TACC2: variants seen among roughly 807,000 people sequenced by gnomAD.
TACC2 encodes the protein transforming acidic coiled-coil-containing protein 2.
TACC2 carries 137 observed loss-of-function variants against 227.3 expected under a neutral mutation model. The observed-to-expected ratio is 0.60, with a 90% CI of 0.52 to 0.69. TACC2 has a LOEUF of 0.69. Among genes scored for constraint, TACC2 ranks in the 30% least tolerant of loss-of-function variants. The probability of loss-of-function intolerance (pLI) is 0.00; values close to 1 mark genes in which losing one functional copy is unlikely to be tolerated. For missense variants in TACC2, 3,470 were observed against 3,694.4 expected (o/e 0.94, Z 1.57); for synonymous variants, 1,523 against 1,487.5 (o/e 1.02, Z -0.55).
rs56383359 is a variant in TACC2, at chr10:122,250,911, C to CTTT, written c.8781+1271_8781+1273dup. ...CATATTACAGATCATTATTTTCATT[C>CTTT]TTTTTTTTTTTTTTTTTTTTTTTTT... is the stretch of plus-strand genomic sequence containing the variant. On this transcript the variant is annotated intron_variant, in intron 22 of 22. Coordinates refer to ENST00000369005, the MANE Select transcript of TACC2 (RefSeq NM_206862.4). Among the ~76,000 whole-genome samples the CTTT allele has an allele frequency of 1.1e-4, 5 of 47,504 alleles. 1 individual carries two copies. Among genetic ancestry groups the CTTT allele is most frequent in the African/African-American group, 3.9e-4 (5 of 12,748 alleles). The allele number at this position is 47,504 out of a possible 152,430, so 31.2% of individuals were successfully genotyped here.
intron 7 of TACC2, among the ~76,000 whole-genome samples, chr10:122,185,836 A>G (rs929219358): frequency 1.3e-5 from 2 of 152,248 alleles, no homozygotes; most frequent in Non-Finnish European, 2.9e-5. Flanking sequence ...AGAAAATACA[A>G]GGACTTTAAT....
At chr10:122,238,087 G>C (rs754785553) in intron 18 of TACC2, 50 bp downstream of exon 18, 22 of 1,477,910 alleles carry the variant, frequency 1.5e-5, no homozygotes, top group South Asian at 3.4e-5. Context: ...ACTTACCTGT[G>C]GTTTAATAAT....
chr10:122,139,410 G>A (rs1165603079), intron 6 of TACC2, among the ~76,000 whole-genome samples: 2 of 152,286 alleles, frequency 1.3e-5, no homozygotes, highest in South Asian at 2.1e-4. Context: ...TGCCTGCCTC[G>A]GAGCTTCCAG....
chr10:122,221,193 C>A (rs963372764), intron 11 of TACC2, among the ~76,000 whole-genome samples: 1 of 152,240 alleles, frequency 6.6e-6, no homozygotes, highest in Non-Finnish European at 1.5e-5. Flanking sequence ...TCATCTTCCA[C>A]GGATGAAGAA....
Position 122,248,711 on chromosome 10 carries a change from G to A in TACC2, c.8461G>A (p.Ala2821Thr). The change falls in exon 20 of 23, where the codon GCC becomes ACC. Residue 2821 changes from alanine (A) to threonine (T), a missense_variant. Transcript: ENST00000369005. ...VQQLVLEKEQ[A>T]LADLNSVEKS... is the part of the protein sequence containing the mutation. ...GCAGCTGGTTCTGGAGAAGGAGCAA[G>A]CCCTGGCCGACCTGAACTCCGTGGA... is the stretch of plus-strand genomic sequence containing the variant. 6.2e-7 allele frequency: 1 copy of A among 1,614,124 alleles called. No individual in the cohort carries two copies. The highest frequency in any genetic ancestry group is 8.5e-7 in the Non-Finnish European group (1 of 1,180,038).
intron 2 of TACC2, among the ~76,000 whole-genome samples, chr10:122,031,019 A>G (rs1306398187): frequency 2.0e-5 from 3 of 152,046 alleles, no homozygotes; most frequent in African/African-American, 7.2e-5. Context: ...GACTCCACCT[A>G]CTTCCACCCC....
At position 122,087,393 on chromosome 10, in the gene TACC2, G is replaced by A. The variant is rs749535629; in HGVS notation, c.4893G>A (p.Thr1631=). 27 of 1,613,930 alleles carry A rather than the reference G, an allele frequency of 1.7e-5. No individual in the cohort carries two copies. Among genetic ancestry groups the A allele is most frequent in the Non-Finnish European group, 1.9e-5 (22 of 1,180,046 alleles). The change falls in exon 4 of 23, where the codon ACG becomes ACA. Residue 1631 remains threonine (T), a synonymous_variant. Coordinates refer to ENST00000369005, the MANE Select transcript of TACC2 (RefSeq NM_206862.4). ...TGVPGHVPRS[T]CAPSPQREVL... ...TTCCAGGACATGTGCCAAGGTCCAC[G>A]TGTGCCCCTTCTCCTCAGAGGGAGG...
At chr10:122,216,879 G>A (rs368244421) in intron 11 of TACC2, 51 bp downstream of exon 11, 1 of 1,613,836 alleles carries the variant, frequency 6.2e-7, no homozygotes, top group East Asian at 2.2e-5. Flanking sequence ...GGAGAATCCT[G>A]CCCCTAGGGA....
intron 1 of TACC2, among the ~76,000 whole-genome samples, chr10:121,993,269 G>A (rs563446754): frequency 6.6e-6 from 1 of 152,118 alleles, no homozygotes; most frequent in Non-Finnish European, 1.5e-5. Flanking sequence ...TTAAATGTGT[G>A]AAAAAAAGGA....
chr10:122,072,651 T>C (rs1406179394), intron 3 of TACC2, among the ~76,000 whole-genome samples: 1 of 152,212 alleles, frequency 6.6e-6, no homozygotes, highest in Non-Finnish European at 1.5e-5. Context: ...TTTTCCAAAG[T>C]CTCTGGAATA....
intron 5 of TACC2, among the ~76,000 whole-genome samples, chr10:122,103,428 G>T (rs372225195): frequency 1.9e-4 from 29 of 152,352 alleles, no homozygotes; most frequent in African/African-American, 5.8e-4. Flanking sequence ...AATTAAGGCA[G>T]AGAAGAGATG....
rs193086366 is a variant in TACC2 at position 122,231,469 on chromosome 10, G to A, written c.8127+1029G>A. On this transcript the variant is annotated intron_variant, in intron 16 of 22. Coordinates refer to ENST00000369005, the MANE Select transcript of TACC2 (RefSeq NM_206862.4). ...TGAGGATGACAGATGTCTGGTGTGC[G>A]GAGAGTGGCACCATGCTTGACACAT... Among the ~76,000 whole-genome samples the A allele has an allele frequency of 1.6e-3, 240 of 152,336 alleles. 1 individual carries two copies. Among genetic ancestry groups the A allele is most frequent in the Middle Eastern group, 0.01 (3 of 294 alleles).
chr10:122,082,952 C>A lies in TACC2; in HGVS notation c.452C>A (p.Ala151Glu), dbSNP rs78149003. 1.1e-5 allele frequency: 17 copies of A among 1,612,926 alleles called. 1 individual carries two copies. The East Asian group carries it at 3.3e-4, about 32-fold the overall frequency. Residue 151 changes from alanine to glutamate, a missense_variant, in exon 4 of 23, where the codon GCG becomes GAG. Physicochemically the swap from Ala to Glu is moderately radical, Grantham distance 107 (BLOSUM62 -1). Coordinates refer to ENST00000369005, the MANE Select transcript of TACC2 (RefSeq NM_206862.4). ...EPAPNAPGDIAAAFPAERDSS... is the reference protein window; with the variant it reads ...EPAPNAPGDIEAAFPAERDSS... ...GCCCCAAATGCCCCAGGAGACATCG[C>A]GGCGGCATTTCCCGCTGAGAGGGAC...
intron 5 of TACC2, among the ~76,000 whole-genome samples, chr10:122,105,914 C>T (rs1168518691): frequency 1.3e-5 from 2 of 150,490 alleles, no homozygotes; most frequent in African/African-American, 4.9e-5. Flanking sequence ...TGAGCCACTG[C>T]GCCTGGCCTG....
Position 122,150,927 on chromosome 10 carries a change from A to G in TACC2, c.5834+7221A>G, listed in dbSNP as rs777261626. ...AGGTGGCGCAGGGGAAGGAGCATGA[A>G]GTTGGAAAGACAGGCCTATTTACCA... is the stretch of plus-strand genomic sequence containing the variant. On this transcript the variant is annotated intron_variant, in intron 7 of 22. Coordinates refer to ENST00000369005, the MANE Select transcript of TACC2 (RefSeq NM_206862.4). The surrounding 1 kb of genome is among the most constrained non-coding windows in gnomAD (Gnocchi z 4.0). 1.3e-5 allele frequency among the ~76,000 whole-genome samples: 2 copies of G among 152,194 alleles called. No individual in the cohort carries two copies. Among genetic ancestry groups the G allele is most frequent in the Non-Finnish European group, 2.9e-5 (2 of 68,032 alleles).
intron 8 of TACC2, among the ~76,000 whole-genome samples, chr10:122,202,677 T>A (rs2094909318): frequency 6.9e-6 from 1 of 143,914 alleles, no homozygotes; most frequent in African/African-American, 2.5e-5. Context: ...TTTTTTTTTT[T>A]AATTGATCAT....
chr10:122,056,394 C>T (rs896515718), intron 3 of TACC2, among the ~76,000 whole-genome samples: 5 of 152,082 alleles, frequency 3.3e-5, no homozygotes, highest in African/African-American at 9.7e-5. Flanking sequence ...AGGCTGGTCT[C>T]GAACTCTTGA....
At position 122,210,311 on chromosome 10, in the gene TACC2, C is replaced by A; in HGVS notation, c.5972-86C>A. ...GGGCCGTGGTTTGTCAACCCCTACG[C>A]TGGAGGGTGATGTTTTGGTACAAGA... On this transcript the variant is annotated intron_variant, in intron 8 of 22. Transcript: ENST00000369005. This position sits in a 1 kb window ranked among gnomAD's most constrained non-coding sequence, Gnocchi z 4.6. 1 of 1,105,512 alleles carries A rather than the reference C, an allele frequency of 9.0e-7. No individual in the cohort carries two copies. The highest frequency in any genetic ancestry group is 1.4e-6 in the Non-Finnish European group (1 of 730,580). The allele number at this position is 1,105,512 out of a possible 1,614,324, so 68.5% of individuals were successfully genotyped here.
intron 6 of TACC2, among the ~76,000 whole-genome samples, chr10:122,134,815 G>T (rs1024634751): frequency 6.6e-6 from 1 of 152,210 alleles, no homozygotes; most frequent in Non-Finnish European, 1.5e-5. Context: ...AGAGGATGGC[G>T]CTGGACTTGG....
Sources: allele counts gnomAD v4.1 joint callset (sites outside exome capture counted in the v4.1 genomes callset), GRCh38; gene constraint gnomAD v4.1.1; non-coding constraint Gnocchi (gnomAD v3.1); transcripts MANE v1.5; gene names NCBI Gene and HGNC (gene_info 2026-07-23, HGNC 2026-07-21).